SRGAP3: variants seen among roughly 807,000 people sequenced by gnomAD.
SRGAP3 encodes SLIT-ROBO Rho GTPase-activating protein 3.
Under a neutral mutation model 121.1 loss-of-function variants are expected in SRGAP3, and 39 were observed. The ratio of observed to expected loss-of-function variants is 0.32; its 90% CI spans 0.25 to 0.42. The LOEUF (loss-of-function observed/expected upper bound fraction) is 0.42. Among genes scored for constraint, SRGAP3 ranks in the 10% least tolerant of loss-of-function variants. The probability of loss-of-function intolerance (pLI) is 1.00; values close to 1 mark genes in which losing one functional copy is unlikely to be tolerated. For missense variants in SRGAP3, 1,213 were observed against 1,470.6 expected, an observed-to-expected ratio of 0.82 and a Z score of 2.86; for synonymous variants, 601 against 570.0, an observed-to-expected ratio of 1.05 and a Z score of -0.77.
intron 3 of SRGAP3, among the ~76,000 whole-genome samples, chr3:9,317,923 A>C (rs1184300113): frequency 1.3e-5 from 2 of 152,202 alleles, no homozygotes; most frequent in Non-Finnish European, 2.9e-5. Context: ...TGTGGTACCC[A>C]CCTATGGATA....
chr3:9,272,916 T>C (rs1954505673), intron 3 of SRGAP3, among the ~76,000 whole-genome samples: 1 of 152,168 alleles, frequency 6.6e-6, no homozygotes, highest in Admixed American at 6.5e-5. Context: ...CTAACACTTA[T>C]TATTTTGGGG....
chr3:9,249,258 ATAATAG>A lies in SRGAP3; in HGVS notation c.-313_-308del, dbSNP rs1031945485. The A allele has an allele frequency of 6.2e-6, 3 of 481,530 alleles. No individual in the cohort carries two copies. The highest frequency in any genetic ancestry group is 3.9e-5 in the African/African-American group (2 of 51,894). 29.8% of individuals were successfully genotyped at this position (481,530 alleles called of 1,614,324 possible). ...AAAGATTTTTCTTCCAAAAATAATA[ATAATAG>A]TAATAACCAAGCGCACTCACACACA... On this transcript the variant is annotated 5_prime_UTR_variant, in exon 1 of 22. Transcript: ENST00000383836.
intron 1 of SRGAP3, among the ~76,000 whole-genome samples, chr3:9,206,295 T>C (rs1268022392): frequency 6.6e-6 from 1 of 152,236 alleles, no homozygotes; most frequent in African/African-American, 2.4e-5. Flanking sequence ...ATCCCTGCTT[T>C]ACTACTGAGG....
chr3:9,228,461 A>G lies in SRGAP3; in HGVS notation c.67+20424T>C, dbSNP rs200588301. 1.9e-4 allele frequency among the ~76,000 whole-genome samples: 29 copies of G among 152,324 alleles called. No homozygotes were observed. In the East Asian group the frequency reaches 5.6e-3, roughly 29 times the overall value. ...TGCTCAGGGTTGGTCCAGAAAAAAAAGTAAGTTGAATTTTTCTCCTGTTGA... is the reference window on the plus strand; with the variant it reads ...TGCTCAGGGTTGGTCCAGAAAAAAAGGTAAGTTGAATTTTTCTCCTGTTGA... On this transcript the variant is annotated intron_variant, in intron 1 of 21. Transcript: ENST00000383836.
At chr3:9,051,202 A>T (rs79582857) in intron 9 of SRGAP3, among the ~76,000 whole-genome samples, 17,475 of 151,770 alleles carry the variant, frequency 0.12, 3,064 homozygotes, top group African/African-American at 0.38. Context: ...GTAGAAATGG[A>T]GTCGTCCTAT....
chr3:9,250,549 T>C (rs1057297574), upstream of SRGAP3, among the ~76,000 whole-genome samples: 3 of 152,162 alleles, frequency 2.0e-5, no homozygotes, highest in African/African-American at 7.2e-5. Flanking sequence ...GAAAAAATAT[T>C]GCAGGGTAAG....
chr3:9,021,313 T>C (rs896431669), intron 14 of SRGAP3, among the ~76,000 whole-genome samples: 1 of 152,194 alleles, frequency 6.6e-6, no homozygotes, highest in African/African-American at 2.4e-5. Flanking sequence ...AGCACTCCCA[T>C]CTGTGCATAC....
chr3:9,336,149 A>G (rs1955689152), intron 1 of SRGAP3, among the ~76,000 whole-genome samples: 1 of 152,170 alleles, frequency 6.6e-6, no homozygotes, highest in Admixed American at 6.5e-5. Flanking sequence ...CACAGTGCAC[A>G]GGAATGAATG....
intron 3 of SRGAP3, among the ~76,000 whole-genome samples, chr3:9,325,018 C>CT (rs1955494556): frequency 6.6e-6 from 1 of 151,716 alleles, no homozygotes; most frequent in African/African-American, 2.4e-5. Context: ...GTAACCAAAA[C>CT]TTAGGGCCTT....
chr3:9,174,240 GA>G (rs906981828), intron 1 of SRGAP3, among the ~76,000 whole-genome samples: 12 of 152,234 alleles, frequency 7.9e-5, no homozygotes, highest in African/African-American at 2.9e-4. Flanking sequence ...TTTTCAGGTT[GA>G]AAAGAGTTCT....
At chr3:9,288,299 G>A (rs1006593229) in intron 3 of SRGAP3, among the ~76,000 whole-genome samples, 1 of 151,404 alleles carries the variant, frequency 6.6e-6, no homozygotes, top group Admixed American at 6.6e-5. Flanking sequence ...CACCACACCT[G>A]GCTAATTTTC....
intron 2 of SRGAP3, among the ~76,000 whole-genome samples, chr3:9,114,238 T>C (rs968761004): frequency 6.6e-6 from 1 of 152,220 alleles, no homozygotes; most frequent in African/African-American, 2.4e-5. Flanking sequence ...GACTACCTCA[T>C]AGTGGTGCCT....
chr3:9,048,450 T>C (rs1457005645), intron 9 of SRGAP3, among the ~76,000 whole-genome samples: 1 of 152,176 alleles, frequency 6.6e-6, no homozygotes, highest in South Asian at 2.1e-4. Flanking sequence ...CGTGGTGGGC[T>C]GGGGAGGGAG....
At chr3:9,182,318 A>G (rs1039898780) in intron 1 of SRGAP3, among the ~76,000 whole-genome samples, 1 of 152,168 alleles carries the variant, frequency 6.6e-6, no homozygotes, top group African/African-American at 2.4e-5. Flanking sequence ...GTCCTGATCC[A>G]ATATGACTGA....
At position 9,281,869 on chromosome 3, in the gene SRGAP3, C is replaced by T. The variant is rs539262802; in HGVS notation, n.442+44141G>A. Among the ~76,000 whole-genome samples the T allele has an allele frequency of 5.3e-5, 8 of 152,106 alleles. No homozygotes were observed. The South Asian group carries it at 1.7e-3, about 32-fold the overall frequency. ...TGTATTTTTAGTAGAGACAGGGTTT[C>T]GCTATGTTGGCCAGGCTGGTCTCAA... is the stretch of plus-strand genomic sequence containing the variant. On this transcript the variant is annotated intron_variant and non_coding_transcript_variant, in intron 3 of 3. Transcript: ENST00000490889.
intron 3 of SRGAP3, among the ~76,000 whole-genome samples, chr3:9,097,418 T>A (rs552418577): frequency 4.6e-5 from 7 of 152,180 alleles, no homozygotes; most frequent in African/African-American, 7.2e-5. Flanking sequence ...ATGACAAAAC[T>A]GAGAGAGTTT....
intron 1 of SRGAP3, among the ~76,000 whole-genome samples, chr3:9,152,698 T>C (rs1950255138): frequency 6.6e-6 from 1 of 152,296 alleles, no homozygotes; most frequent in South Asian, 2.1e-4. Flanking sequence ...TCCCTGGACA[T>C]TGTGGTGGTC....
rs113278174 is a variant in SRGAP3 at position 9,135,768 on chromosome 3, C to T, written c.68-10851G>A. Among the ~76,000 whole-genome samples the T allele has an allele frequency of 6.4e-4, 97 of 152,330 alleles. 1 individual carries two copies. The highest frequency in any genetic ancestry group is 2.1e-3 in the African/African-American group (87 of 41,570). ...TCTATACAGAGGTGGCATGGCGCAGCGGAAGGGCATGCACTCACAAGCTCA... is the reference window on the plus strand; with the variant it reads ...TCTATACAGAGGTGGCATGGCGCAGTGGAAGGGCATGCACTCACAAGCTCA... On this transcript the variant is annotated intron_variant, in intron 1 of 21. Coordinates refer to ENST00000383836, the MANE Select transcript of SRGAP3 (RefSeq NM_014850.4).
chr3:9,340,844 G>A (rs983438647), intron 1 of SRGAP3, among the ~76,000 whole-genome samples: 4 of 152,166 alleles, frequency 2.6e-5, no homozygotes, highest in African/African-American at 9.7e-5. Flanking sequence ...GAGACAATGG[G>A]GCCACTAAAA....
Sources: gnomAD v4.1 joint callset for allele counts (sites outside exome capture counted in the v4.1 genomes callset) on GRCh38, gnomAD v4.1.1 for gene constraint, MANE v1.5 for transcripts, NCBI Gene and HGNC (gene_info 2026-07-23, HGNC 2026-07-21) for gene names.